Variants in XDH observed in about 807,000 individuals in gnomAD.
XDH encodes xanthine dehydrogenase/oxidase.
Under a neutral mutation model 156.1 loss-of-function variants are expected in XDH, and 138 were observed. The observed-to-expected ratio is 0.88, with a 90% confidence interval of 0.77 to 1.02. The LOEUF (loss-of-function observed/expected upper bound fraction) is 1.02. Ranked by LOEUF, XDH falls within the 50% of genes least tolerant of loss-of-function variation. The probability of loss-of-function intolerance (pLI) is 0.00; values close to 1 mark genes in which losing one functional copy is unlikely to be tolerated. For missense variants in XDH, 1,849 were observed against 1,684.9 expected, an observed-to-expected ratio of 1.10 and a Z score of -1.71; for synonymous variants, 669 against 625.7, an observed-to-expected ratio of 1.07 and a Z score of -1.03.
At position 31,366,133 on chromosome 2, in the gene XDH, C is replaced by T. The variant is rs1352840915; in HGVS notation, c.2323-24G>A. 1.4e-5 allele frequency: 23 copies of T among 1,614,098 alleles called. No homozygotes were observed. The East Asian group carries it at 4.0e-4, about 28-fold the overall frequency. On this transcript the variant is annotated intron_variant, in intron 21 of 35. Coordinates refer to ENST00000379416, the MANE Select transcript of XDH (RefSeq NM_000379.4). ...CTCTGTGAGTGAAAGACAGAACATTCGCACTGAATGCATTACCTGAACTTA... is the reference window on the plus strand; with the variant it reads ...CTCTGTGAGTGAAAGACAGAACATTTGCACTGAATGCATTACCTGAACTTA...
Position 31,388,261 on chromosome 2 carries a change from G to T in XDH, c.530C>A (p.Pro177Gln), listed in dbSNP as rs781730239. The change falls in exon 7 of 36, where the codon CCA becomes CAA. Residue 177 changes from proline (P) to glutamine (Q), a missense_variant. Pro to Gln is a moderately conservative substitution (Grantham distance 76). Coordinates refer to ENST00000379416, the MANE Select transcript of XDH (RefSeq NM_000379.4). ...GGCCGGDGNN[P>Q]NCCMNQKKDH... ...TTTCTTCTGGTTCATGCAGCAATTT[G>T]GATTATTCCCATCTCCTCCACAGCA... The T allele has an allele frequency of 3.2e-5, 52 of 1,613,996 alleles. No homozygotes were observed. The highest frequency in any genetic ancestry group is 3.7e-5 in the Non-Finnish European group (44 of 1,180,010).
chr2:31,360,980 G>T (rs1237170842), intron 24 of XDH, among the ~76,000 whole-genome samples: 1 of 152,198 alleles, frequency 6.6e-6, no homozygotes, highest in East Asian at 1.9e-4. Context: ...TACTAATTTG[G>T]ATTAAGAACA....
At chr2:31,363,808 A>G (rs949499760) in intron 24 of XDH, among the ~76,000 whole-genome samples, 1 of 152,106 alleles carries the variant, frequency 6.6e-6, no homozygotes, top group African/African-American at 2.4e-5. Flanking sequence ...CGCATGCTAT[A>G]TATAGTAATA....
intron 2 of XDH, among the ~76,000 whole-genome samples, chr2:31,404,445 G>T (rs1687144834): frequency 1.3e-5 from 2 of 152,104 alleles, no homozygotes; most frequent in South Asian, 4.1e-4. Flanking sequence ...CCCATAAATT[G>T]ACTCTCAGCA....
Position 31,372,309 on chromosome 2 carries a change from A to C in XDH, c.1775T>G (p.Val592Gly), listed in dbSNP as rs929836524. Residue 592 changes from valine to glycine, a missense_variant, in exon 17 of 36, where the codon GTG (valine) becomes GGG (glycine). Physicochemically the swap from Val to Gly is moderately radical, Grantham distance 109. Coordinates refer to ENST00000379416, the MANE Select transcript of XDH (RefSeq NM_000379.4). ...GTAGCGAGGAATGTCGTCACAGTAC[A>C]CGGCCTCACCAGAGGCCTGCATGTC... ...AADMQASGEAVYCDDIPRYEN... is the reference protein window; with the variant it reads ...AADMQASGEAGYCDDIPRYEN... 8.1e-6 allele frequency: 13 copies of C among 1,614,084 alleles called. No homozygotes were observed. The highest frequency in any genetic ancestry group is 1.1e-5 in the Non-Finnish European group (13 of 1,180,042).
At chr2:31,406,941 A>G (rs1462655996) in intron 1 of XDH, among the ~76,000 whole-genome samples, 2 of 152,254 alleles carry the variant, frequency 1.3e-5, no homozygotes, top group East Asian at 3.8e-4. Flanking sequence ...TAAGGTGGAA[A>G]AAGTGGTCTA....
intron 10 of XDH, 124 bp from the exon 11 acceptor site, chr2:31,383,276 T>C: frequency 1.4e-6 from 2 of 1,472,666 alleles, no homozygotes; most frequent in African/African-American, 2.8e-5. Context: ...CAGCTTTCCA[T>C]GGATGAGGAA....
At position 31,378,127 on chromosome 2, in the gene XDH, G is replaced by GAAAGAAAGAAAGAAA. The variant is rs1558696722; in HGVS notation, c.1243-891_1243-890insTTTCTTTCTTTCTTT. Among the ~76,000 whole-genome samples, 30 of 47,960 alleles carry GAAAGAAAGAAAGAAA rather than the reference G, an allele frequency of 6.3e-4. 2 individuals are homozygous for GAAAGAAAGAAAGAAA. The highest frequency in any genetic ancestry group is 2.2e-3 in the African/African-American group (30 of 13,472). The allele number at this position is 47,960 out of a possible 152,430, so 31.5% of individuals were successfully genotyped here. On this transcript the variant is annotated intron_variant, in intron 13 of 35. Coordinates refer to ENST00000379416, the MANE Select transcript of XDH (RefSeq NM_000379.4). The stretch of plus-strand genomic sequence containing the variant: ...GAAAGAAAGGAAGGAAGGAAGGAAG[G>GAAAGAAAGAAAGAAA]AAGGAAGGAAGGAAGGAAGGAAGGA...
Position 31,386,406 on chromosome 2 carries a change from G to T in XDH, c.793+8C>A, listed in dbSNP as rs1247966565. On this transcript the variant is annotated splice_region_variant and intron_variant, in intron 9 of 35. Coordinates refer to ENST00000379416, the MANE Select transcript of XDH (RefSeq NM_000379.4). ...TGGCAGCCCCAGGGCAGCCTCCCTG[G>T]CCCTTACCAATCTCCGTGTTCCCCA... is the stretch of plus-strand genomic sequence containing the variant. The T allele has an allele frequency of 1.9e-6, 3 of 1,611,838 alleles. No homozygotes were observed. Among genetic ancestry groups the T allele is most frequent in the Non-Finnish European group, 1.7e-6 (2 of 1,180,000 alleles).
Position 31,337,694 on chromosome 2 carries a change from G to T in XDH, c.3898C>A (p.Pro1300Thr), listed in dbSNP as rs1339914096. 6.2e-7 allele frequency: 1 copy of T among 1,614,130 alleles called. No homozygotes were observed. The highest frequency in any genetic ancestry group is 1.3e-5 in the African/African-American group (1 of 74,940). The change falls in exon 35 of 36, where the codon CCT (proline) becomes ACT (threonine). Residue 1300 changes from proline to threonine, a missense_variant. Physicochemically the swap from Pro to Thr is conservative, Grantham distance 38 (BLOSUM62 -1). Coordinates refer to ENST00000379416, the MANE Select transcript of XDH (RefSeq NM_000379.4). ...NVKELFRLDS[P>T]ATPEKIRNAC... ...TTGCGGATCTTCTCCGGGGTGGCAGGGCTGTCTAGCCGGAAGAGTTCCTTC... is the reference window on the plus strand; with the variant it reads ...TTGCGGATCTTCTCCGGGGTGGCAGTGCTGTCTAGCCGGAAGAGTTCCTTC...
chr2:31,343,175 T>C (rs993162093), intron 31 of XDH, among the ~76,000 whole-genome samples: 1 of 151,426 alleles, frequency 6.6e-6, no homozygotes, highest in African/African-American at 2.4e-5. Flanking sequence ...TTATAAAACC[T>C]TAGTTTCATG....
chr2:31,412,897 C>A (rs1167434885), intron 1 of XDH, among the ~76,000 whole-genome samples: 2 of 152,166 alleles, frequency 1.3e-5, no homozygotes, highest in Non-Finnish European at 2.9e-5. Context: ...ATATTCATCA[C>A]AGAAACTGGC....
rs751920290 is a variant in XDH, at chr2:31,397,679, T to C, written c.484A>G (p.Thr162Ala). Reference sequence around the variant, plus strand: ...GGGTCCCCACTTACCCTGGCAAAGGTCCGGAAGCCCTGGAGGATGGGTCTG... The same window carrying C: ...GGGTCCCCACTTACCCTGGCAAAGGCCCGGAAGCCCTGGAGGATGGGTCTG... ...GYRPILQGFRTFARDGGCCGG... is the reference protein window; with the variant it reads ...GYRPILQGFRAFARDGGCCGG... Residue 162 changes from threonine to alanine, a missense_variant, in exon 6 of 36, where the codon ACC becomes GCC. By Grantham distance (58) the Thr-to-Ala change is moderately conservative. Coordinates refer to ENST00000379416, the MANE Select transcript of XDH (RefSeq NM_000379.4). 1 of 1,614,140 alleles carries C rather than the reference T, an allele frequency of 6.2e-7. No homozygotes were observed. Among genetic ancestry groups the C allele is most frequent in the Non-Finnish European group, 8.5e-7 (1 of 1,180,012 alleles).
Position 31,346,774 on chromosome 2 carries a change from C to A in XDH, c.3346G>T (p.Asp1116Tyr). ...TTGGATCAGCTCAGACTTACCCAGT[C>A]TTCCCAGGAGCCACTGGGATTCTTC... is the stretch of plus-strand genomic sequence containing the variant. ...KKKNPSGSWEDWVTAAYMDTV... is the reference protein window; with the variant it reads ...KKKNPSGSWEYWVTAAYMDTV... The change falls in exon 30 of 36, where the codon GAC becomes TAC. Residue 1116 changes from aspartate to tyrosine, a missense_variant. Asp to Tyr is a radical substitution (Grantham distance 160). Coordinates refer to ENST00000379416, the MANE Select transcript of XDH (RefSeq NM_000379.4). 6.2e-7 allele frequency: 1 copy of A among 1,614,204 alleles called. No homozygotes were observed. The highest frequency in any genetic ancestry group is 8.5e-7 in the Non-Finnish European group (1 of 1,180,042).
intron 31 of XDH, 33 bp downstream of exon 31, chr2:31,344,651 C>G (rs878990875): frequency 1.9e-6 from 3 of 1,613,878 alleles, no homozygotes; most frequent in Non-Finnish European, 2.5e-6. Context: ...CGACATCACA[C>G]TATGAGCTGG....
intron 34 of XDH, among the ~76,000 whole-genome samples, chr2:31,338,259 G>C (rs45613734): frequency 1.5e-3 from 223 of 152,292 alleles, no homozygotes; most frequent in African/African-American, 5.0e-3. Context: ...GGAATTATAG[G>C]CATAAGAACA....
intron 13 of XDH, among the ~76,000 whole-genome samples, chr2:31,378,155 GAAGGAAGGAAGGAAGGAAGGAAGC>G (rs1184595895): frequency 0.028 from 3,480 of 123,078 alleles, 201 homozygotes; most frequent in Non-Finnish European, 0.039. Flanking sequence ...AGGAAGGAAG[GAAGGAAGGAAGGAAGGAAGGAAGC>G]AAGCAAGCAA....
intron 24 of XDH, among the ~76,000 whole-genome samples, chr2:31,360,062 T>C (rs1310144710): frequency 2.0e-5 from 3 of 152,252 alleles, no homozygotes; most frequent in Non-Finnish European, 2.9e-5. Context: ...TACCTGCTCC[T>C]GATCACCCAA....
At chr2:31,378,099 AAAGAAAGAAAGGAAGGAAGG>A (rs1686306537) in intron 13 of XDH, among the ~76,000 whole-genome samples, 61 of 52,572 alleles carry the variant, frequency 1.2e-3, no homozygotes, top group African/African-American at 2.1e-3. Context: ...AGAAAGAAAG[AAAGAAAGAAAGGAAGGAAGG>A]AAGGAAGGAA....
Sources: gnomAD v4.1 joint callset for allele counts (sites outside exome capture counted in the v4.1 genomes callset) on GRCh38, gnomAD v4.1.1 for gene constraint, MANE v1.5 for transcripts, NCBI Gene and HGNC (gene_info 2026-07-23, HGNC 2026-07-21) for gene names.